Variants in SORCS3 observed in about 807,000 individuals in gnomAD.
SORCS3 encodes sortilin related VPS10 domain containing receptor 3, also known as VPS10 domain-containing receptor SorCS3.
Under a neutral mutation model 146.3 loss-of-function variants are expected in SORCS3, and 57 were observed. That is an observed-to-expected ratio of 0.39 (90% CI 0.31 to 0.49). The LOEUF is 0.49. Ranked by LOEUF, SORCS3 falls within the 20% of genes least tolerant of loss-of-function variation. SORCS3 has a pLI of 0.92. For synonymous variants in SORCS3, 653 were observed against 618.5 expected (o/e 1.06, Z -0.83); for missense variants, 1,341 against 1,575.5 (o/e 0.85, Z 2.52).
At chr10:104,765,265 C>T (rs2017166181) in intron 1 of SORCS3, among the ~76,000 whole-genome samples, 1 of 152,216 alleles carries the variant, frequency 6.6e-6, no homozygotes, top group Admixed American at 6.5e-5. Flanking sequence ...TCCTTTTCCT[C>T]ATAAGCCCCT....
intron 3 of SORCS3, among the ~76,000 whole-genome samples, chr10:104,960,511 T>C (rs1432292404): frequency 1.3e-5 from 2 of 152,128 alleles, no homozygotes; most frequent in African/African-American, 2.4e-5. Context: ...GGGTATCACA[T>C]GGCAAGGGGG....
intron 1 of SORCS3, among the ~76,000 whole-genome samples, chr10:104,715,821 A>G (rs748609521): frequency 6.6e-6 from 1 of 152,116 alleles, no homozygotes; most frequent in African/African-American, 2.4e-5. Flanking sequence ...CCTTAGATCT[A>G]TTCTCCCTGA....
chr10:104,897,502 T>G (rs752645242), intron 2 of SORCS3, among the ~76,000 whole-genome samples: 3 of 152,252 alleles, frequency 2.0e-5, no homozygotes, highest in African/African-American at 7.2e-5. Context: ...GACAATTTTA[T>G]AGATAGTTGA....
intron 1 of SORCS3, among the ~76,000 whole-genome samples, chr10:104,746,199 C>T (rs11192180): frequency 0.23 from 34,503 of 149,296 alleles, 4,129 homozygotes; most frequent in South Asian, 0.33. Context: ...TGCAGTGGTG[C>T]GATCTCGGCT....
chr10:105,148,690 T>A (rs571819130), intron 9 of SORCS3, among the ~76,000 whole-genome samples: 1 of 152,122 alleles, frequency 6.6e-6, no homozygotes, highest in African/African-American at 2.4e-5. Flanking sequence ...GCCTCAGAGC[T>A]GGGTGAGCTG....
chr10:104,670,138 A>G (rs965345156), intron 1 of SORCS3, among the ~76,000 whole-genome samples: 1 of 152,050 alleles, frequency 6.6e-6, no homozygotes. Context: ...TATCAGATGT[A>G]TGATTTGCAA....
intron 1 of SORCS3, among the ~76,000 whole-genome samples, chr10:104,786,772 G>A (rs1337417672): frequency 6.6e-6 from 1 of 152,094 alleles, no homozygotes; most frequent in Non-Finnish European, 1.5e-5. Context: ...TCCTGGAATT[G>A]AAGAATTGTG....
chr10:104,905,913 T>C (rs2018900393), intron 2 of SORCS3, among the ~76,000 whole-genome samples: 1 of 152,170 alleles, frequency 6.6e-6, no homozygotes, highest in African/African-American at 2.4e-5. Context: ...GTGCCTTCCA[T>C]GTGCAAGGCA....
intron 7 of SORCS3, among the ~76,000 whole-genome samples, chr10:105,131,516 G>A (rs1038525636): frequency 1.4e-4 from 21 of 152,148 alleles, no homozygotes; most frequent in African/African-American, 4.6e-4. Context: ...CGACAATGTA[G>A]CATTGATTTC....
At chr10:104,882,654 C>A (rs1049122600) in intron 2 of SORCS3, among the ~76,000 whole-genome samples, 4 of 152,066 alleles carry the variant, frequency 2.6e-5, no homozygotes, top group African/African-American at 9.7e-5. Context: ...GAAGATACAT[C>A]CAGATGGCCA....
intron 3 of SORCS3, among the ~76,000 whole-genome samples, chr10:104,970,269 C>T (rs2054852547): frequency 1.3e-5 from 2 of 152,112 alleles, no homozygotes; most frequent in Non-Finnish European, 2.9e-5. Flanking sequence ...GCCTCAGCCT[C>T]CTGAGTAGCG....
chr10:104,718,453 C>A (rs1018546457), intron 1 of SORCS3, among the ~76,000 whole-genome samples: 2 of 152,184 alleles, frequency 1.3e-5, no homozygotes, highest in African/African-American at 2.4e-5. Context: ...AACCACCTCT[C>A]AACACTGTTG....
chr10:105,143,158 T>A (rs2056107143), intron 8 of SORCS3, among the ~76,000 whole-genome samples: 1 of 152,182 alleles, frequency 6.6e-6, no homozygotes, highest in South Asian at 2.1e-4. Flanking sequence ...ATCAAATAGA[T>A]GCCTCTACAT....
chr10:105,115,369 C>T (rs979955413), intron 7 of SORCS3, among the ~76,000 whole-genome samples: 20 of 152,168 alleles, frequency 1.3e-4, no homozygotes, highest in Non-Finnish European at 2.6e-4. Context: ...GACTAATCCA[C>T]ATGCAAAAAT....
intron 3 of SORCS3, among the ~76,000 whole-genome samples, chr10:104,973,112 G>A (rs2054870882): frequency 6.6e-6 from 1 of 152,048 alleles, no homozygotes; most frequent in South Asian, 2.1e-4. Context: ...TTTTATTGAG[G>A]ATTTTTGCAT....
intron 16 of SORCS3, among the ~76,000 whole-genome samples, chr10:105,202,162 T>C (rs1477830849): frequency 6.6e-6 from 1 of 152,194 alleles, no homozygotes. Flanking sequence ...ACCGAGATGG[T>C]ATTTTAAAAA....
At chr10:104,664,377 G>C (rs2015741853) in intron 1 of SORCS3, among the ~76,000 whole-genome samples, 1 of 152,206 alleles carries the variant, frequency 6.6e-6, no homozygotes, top group Admixed American at 6.5e-5. Context: ...TTCCGTTTAA[G>C]GATGTGAAAA....
At chr10:104,851,880 G>T (rs12357019) in intron 2 of SORCS3, among the ~76,000 whole-genome samples, 16,313 of 152,206 alleles carry the variant, frequency 0.11, 1,042 homozygotes, top group South Asian at 0.26. Context: ...AAATTCCCTT[G>T]TAAGACCACT....
rs553961076 is a variant in SORCS3 at position 104,856,335 on chromosome 10, G to A, written c.695+13476G>A. ...TAGAGGCATATATATATAAATTAGA[G>A]GTATATATTTATATATATAGAGAGA... On this transcript the variant is annotated intron_variant, in intron 2 of 26. Transcript: ENST00000369701. 6.5e-4 allele frequency among the ~76,000 whole-genome samples: 97 copies of A among 150,012 alleles called. 4 individuals are homozygous for A. Among genetic ancestry groups the A allele is most frequent in the Admixed American group, 2.7e-4 (4 of 15,000 alleles).
Sources: gnomAD v4.1 joint callset for allele counts (sites outside exome capture counted in the v4.1 genomes callset) on GRCh38, gnomAD v4.1.1 for gene constraint, MANE v1.5 for transcripts, NCBI Gene and HGNC (gene_info 2026-07-23, HGNC 2026-07-21) for gene names.